The following GALNT17 variants were observed in gnomAD, a reference collection of about 807,000 sequenced individuals.
GALNT17 encodes the protein polypeptide N-acetylgalactosaminyltransferase 17, also known as UDP-GalNAc:polypeptide N-acetylgalactosaminyltransferase-like 3.
In GALNT17, 29 loss-of-function variants were observed where a neutral mutation model predicts 63.7. The ratio of observed to expected loss-of-function variants is 0.46; its 90% CI spans 0.34 to 0.62. The LOEUF (loss-of-function observed/expected upper bound fraction) is 0.62. Among genes scored for constraint, GALNT17 ranks in the 20% least tolerant of loss-of-function variants. The pLI is 0.01. For synonymous variants in GALNT17, 305 were observed against 318.3 expected (o/e 0.96, Z 0.45); for missense variants, 603 against 799.6 (o/e 0.75, Z 2.97).
chr7:71,448,678 A>G (rs963508544), intron 5 of GALNT17, among the ~76,000 whole-genome samples: 1 of 152,178 alleles, frequency 6.6e-6, no homozygotes, highest in Non-Finnish European at 1.5e-5. Context: ...TTGAAAACAA[A>G]AGGCATGTAT....
intron 1 of GALNT17, among the ~76,000 whole-genome samples, chr7:71,252,668 T>C (rs1790221183): frequency 6.6e-6 from 1 of 152,084 alleles, no homozygotes; most frequent in Non-Finnish European, 1.5e-5. Context: ...CATTAGAGAG[T>C]GTTAGATCAT....
intron 2 of GALNT17, among the ~76,000 whole-genome samples, chr7:71,379,070 T>C (rs1312279009): frequency 5.3e-5 from 8 of 151,272 alleles, no homozygotes; most frequent in Admixed American, 2.6e-4. Context: ...ATGACCAGAG[T>C]GAAGAGTGCC....
chr7:71,240,609 G>A (rs1789975438), intron 1 of GALNT17, among the ~76,000 whole-genome samples: 2 of 151,458 alleles, frequency 1.3e-5, no homozygotes, highest in African/African-American at 4.9e-5. Flanking sequence ...CCATGGTTTT[G>A]TTCTTTTTTA....
chr7:71,195,301 G>A (rs905371608), intron 1 of GALNT17, among the ~76,000 whole-genome samples: 2 of 151,970 alleles, frequency 1.3e-5, no homozygotes, highest in Non-Finnish European at 2.9e-5. Flanking sequence ...GTGCCACCTC[G>A]ACCTCCTGGC....
At chr7:71,338,054 C>T (rs1408836847) in intron 2 of GALNT17, among the ~76,000 whole-genome samples, 5 of 151,520 alleles carry the variant, frequency 3.3e-5, no homozygotes, top group Non-Finnish European at 7.4e-5. Context: ...CTAAAAATTG[C>T]GAGGTGCGGT....
At chr7:71,614,808 A>G (rs1228708766) in intron 6 of GALNT17, among the ~76,000 whole-genome samples, 3 of 145,880 alleles carry the variant, frequency 2.1e-5, no homozygotes, top group East Asian at 2.0e-4. Context: ...GAAAAAAGTA[A>G]TAGAGAAAGA....
rs565374571 is a variant in GALNT17, at chr7:71,248,317, G to A, written c.239-87233G>A. ...TTCCACTAGGTCCCCCCCTCAACAC[G>A]TGGGTATTACAATTTGAGATGAGAT... On this transcript the variant is annotated intron_variant, in intron 1 of 10. Transcript: ENST00000333538. Among the ~76,000 whole-genome samples the A allele has an allele frequency of 8.5e-5, 13 of 152,282 alleles. No homozygotes were observed. The East Asian group carries it at 2.3e-3, about 27-fold the overall frequency.
At chr7:71,597,516 TAATAAATA>T (rs34346162) in intron 6 of GALNT17, among the ~76,000 whole-genome samples, 4 of 149,738 alleles carry the variant, frequency 2.7e-5, no homozygotes, top group Admixed American at 2.0e-4. Context: ...CTTAAAAGAG[TAATAAATA>T]AATAAATAAA....
chr7:71,229,977 C>T (rs185599178), intron 1 of GALNT17, among the ~76,000 whole-genome samples: 3 of 152,282 alleles, frequency 2.0e-5, no homozygotes, highest in Admixed American at 2.0e-4. Context: ...TCAGGCATTG[C>T]CCAGCACAGG....
At chr7:71,543,700 GTTT>G (rs71089956) in intron 5 of GALNT17, among the ~76,000 whole-genome samples, 48,797 of 149,064 alleles carry the variant, frequency 0.33, 8,896 homozygotes, top group Middle Eastern at 0.41. Context: ...GTTTCAGCAG[GTTT>G]TTTTTTTTTT....
At chr7:71,702,608 A>G (rs779572069) in intron 9 of GALNT17, among the ~76,000 whole-genome samples, 68 of 152,220 alleles carry the variant, frequency 4.5e-4, no homozygotes, top group Non-Finnish European at 7.5e-4. Context: ...TTAAAGTAAC[A>G]TGATTTTAAA....
chr7:71,497,783 G>A (rs1174739529), intron 5 of GALNT17, among the ~76,000 whole-genome samples: 1 of 152,212 alleles, frequency 6.6e-6, no homozygotes, highest in African/African-American at 2.4e-5. Flanking sequence ...TGAATGGCAA[G>A]GCCAGAAGGC....
intron 3 of GALNT17, among the ~76,000 whole-genome samples, chr7:71,408,675 A>C (rs1475638858): frequency 2.0e-5 from 3 of 152,018 alleles, no homozygotes; most frequent in African/African-American, 7.3e-5. Context: ...GGAGTTTGAA[A>C]CCAGCCCGGG....
At chr7:71,184,939 A>ACTTACTTC (rs1228364284) in intron 1 of GALNT17, among the ~76,000 whole-genome samples, 14 of 64,180 alleles carry the variant, frequency 2.2e-4, no homozygotes, top group South Asian at 9.1e-4. Context: ...TCCCTTCCTC[A>ACTTACTTC]CTTCCTTCCT....
intron 9 of GALNT17, among the ~76,000 whole-genome samples, chr7:71,696,514 T>G (rs914196464): frequency 1.3e-5 from 2 of 152,172 alleles, no homozygotes; most frequent in Non-Finnish European, 2.9e-5. Context: ...GCAAGCCATG[T>G]TTTTATTGAT....
chr7:71,226,477 T>C (rs1789681556), intron 1 of GALNT17, among the ~76,000 whole-genome samples: 1 of 151,350 alleles, frequency 6.6e-6, no homozygotes, highest in South Asian at 2.1e-4. Flanking sequence ...CACTGGGGCA[T>C]GATGAGGTTG....
intron 1 of GALNT17, among the ~76,000 whole-genome samples, chr7:71,212,626 G>T (rs563939319): frequency 9.9e-5 from 15 of 152,186 alleles, no homozygotes; most frequent in Non-Finnish European, 1.8e-4. Flanking sequence ...CAGGAGGGGG[G>T]GCTATACCCT....
intron 2 of GALNT17, among the ~76,000 whole-genome samples, chr7:71,361,822 G>T (rs980880043): frequency 6.6e-6 from 1 of 152,172 alleles, no homozygotes; most frequent in Non-Finnish European, 1.5e-5. Flanking sequence ...GAGAGAGAGA[G>T]AGTGGGCAGG....
At chr7:71,318,978 C>A (rs1791551022) in intron 1 of GALNT17, among the ~76,000 whole-genome samples, 2 of 152,158 alleles carry the variant, frequency 1.3e-5, no homozygotes, top group African/African-American at 4.8e-5. Context: ...TGTCCAAGGT[C>A]ATTGGGCTGA....
Sources: gnomAD v4.1 joint callset for allele counts (sites outside exome capture counted in the v4.1 genomes callset) on GRCh38, gnomAD v4.1.1 for gene constraint, MANE v1.5 for transcripts, NCBI Gene and HGNC (gene_info 2026-07-23, HGNC 2026-07-21) for gene names.